REEP3: variants seen among roughly 807,000 people sequenced by gnomAD.
REEP3 encodes the protein receptor expression-enhancing protein 3.
Under a neutral mutation model 41.3 loss-of-function variants are expected in REEP3, and 20 were observed. The ratio of observed to expected loss-of-function variants is 0.48; its 90% CI spans 0.34 to 0.70. The LOEUF is 0.70. Among genes scored for constraint, REEP3 ranks in the 30% least tolerant of loss-of-function variants. The pLI is 0.01. For missense variants in REEP3, 271 were observed against 308.8 expected, an observed-to-expected ratio of 0.88 and a Z score of 0.92; for synonymous variants, 104 against 101.8, an observed-to-expected ratio of 1.02 and a Z score of -0.13.
chr10:63,606,084 A>G, intron 5 of REEP3: 1 of 934,622 alleles, frequency 1.1e-6, no homozygotes, highest in South Asian at 4.9e-5. Flanking sequence ...TCTCATCATA[A>G]TCTCTGTTAC....
chr10:63,576,908 T>G (rs1221612462), intron 2 of REEP3, among the ~76,000 whole-genome samples: 1 of 152,194 alleles, frequency 6.6e-6, no homozygotes, highest in Non-Finnish European at 1.5e-5. Flanking sequence ...TGACCTCATT[T>G]AACCTTAATT....
At position 63,625,120 on chromosome 10, in the gene REEP3, A is replaced by G. The variant is rs998764031; in HGVS notation, c.*4251A>G. On this transcript the variant is annotated 3_prime_UTR_variant, in exon 8 of 8. Coordinates refer to ENST00000373758, the MANE Select transcript of REEP3 (RefSeq NM_001001330.3). The stretch of plus-strand genomic sequence containing the variant: ...TTAGAAATATAAATAAAAATTCAAA[A>G]GAACACAATATATGAACGGCATTTT... The G allele has an allele frequency of 6.6e-6, 1 of 152,202 alleles. No homozygotes were observed. The highest frequency in any genetic ancestry group is 1.5e-5 in the Non-Finnish European group (1 of 68,000). The allele number at this position is 152,202 out of a possible 1,614,324, so 9.4% of individuals were successfully genotyped here. A position where few individuals can be genotyped will look rare whatever the true frequency, so the allele number is the denominator to read the frequency against.
At chr10:63,555,641 G>A (rs1484667919) in intron 1 of REEP3, among the ~76,000 whole-genome samples, 3 of 152,132 alleles carry the variant, frequency 2.0e-5, no homozygotes, top group African/African-American at 4.8e-5. Context: ...AGGATAGAGC[G>A]TGGCAAAAGT....
chr10:63,539,862 T>C (rs1955512815), intron 1 of REEP3, among the ~76,000 whole-genome samples: 1 of 152,108 alleles, frequency 6.6e-6, no homozygotes, highest in Non-Finnish European at 1.5e-5. Context: ...CTCCAGGTGA[T>C]TGGGTTTGAA....
intron 5 of REEP3, among the ~76,000 whole-genome samples, chr10:63,601,386 G>A (rs1045430694): frequency 6.6e-6 from 1 of 152,062 alleles, no homozygotes; most frequent in African/African-American, 2.4e-5. Flanking sequence ...TTTTGTCCAG[G>A]CAGATATGCT....
intron 1 of REEP3, among the ~76,000 whole-genome samples, chr10:63,539,202 G>A (rs868180662): frequency 3.3e-5 from 5 of 151,904 alleles, no homozygotes; most frequent in Admixed American, 6.6e-5. Flanking sequence ...TGAAATCAGT[G>A]GCCATTTACT....
At chr10:63,560,424 T>C (rs1012681811) in intron 1 of REEP3, among the ~76,000 whole-genome samples, 1 of 152,224 alleles carries the variant, frequency 6.6e-6, no homozygotes, top group African/African-American at 2.4e-5. Flanking sequence ...AATATCTGTC[T>C]AGAAAATAGC....
Position 63,623,776 on chromosome 10 carries a change from T to TGTGC in REEP3, c.*2910_*2911insCGTG, listed in dbSNP as rs1156704837. On this transcript the variant is annotated 3_prime_UTR_variant, in exon 8 of 8. Coordinates refer to ENST00000373758, the MANE Select transcript of REEP3 (RefSeq NM_001001330.3). ...ATATATGTGTGTGTGTGTGTGTGTG[T>TGTGC]GTGTGTGTGTGTGTGTGTGTGTATT... The TGTGC allele has an allele frequency of 6.5e-6, 1 of 153,086 alleles. No homozygotes were observed. Among genetic ancestry groups the TGTGC allele is most frequent in the African/African-American group, 2.4e-5 (1 of 41,256 alleles). The allele number at this position is 153,086 out of a possible 1,614,324, so 9.5% of individuals were successfully genotyped here. A position where few individuals can be genotyped will look rare whatever the true frequency, so the allele number is the denominator to read the frequency against.
intron 2 of REEP3, among the ~76,000 whole-genome samples, chr10:63,584,731 G>C (rs1955988777): frequency 1.3e-5 from 2 of 152,200 alleles, no homozygotes; most frequent in Admixed American, 6.5e-5. Context: ...AAAAAAATCT[G>C]TATCAGAGGA....
At chr10:63,562,429 G>T in intron 1 of REEP3, 1 of 377,314 alleles carries the variant, frequency 2.7e-6, no homozygotes, top group Non-Finnish European at 5.3e-6. Context: ...GCTAATTTTT[G>T]TATTTTTAGT....
At position 63,556,641 on chromosome 10, in the gene REEP3, T is replaced by G. The variant is rs374677462; in HGVS notation, c.33-9697T>G. Among the ~76,000 whole-genome samples, 414 of 100,902 alleles carry G rather than the reference T, an allele frequency of 4.1e-3. 13 individuals carry two copies. The highest frequency in any genetic ancestry group is 0.034 in the Middle Eastern group (7 of 206). The allele number at this position is 100,902 out of a possible 152,430, so 66.2% of individuals were successfully genotyped here. A position where few individuals can be genotyped will look rare whatever the true frequency, so the allele number is the denominator to read the frequency against. ...TTTTTTTTTTGTTGTTTTGTTTTTT[T>G]TTTTTTTTTTTTGAGACGGAGTCTC... On this transcript the variant is annotated intron_variant, in intron 1 of 7. Coordinates refer to ENST00000373758, the MANE Select transcript of REEP3 (RefSeq NM_001001330.3).
intron 2 of REEP3, among the ~76,000 whole-genome samples, chr10:63,590,933 T>C (rs1956056301): frequency 1.3e-5 from 2 of 152,214 alleles, no homozygotes; most frequent in Admixed American, 6.5e-5. Context: ...ACTTGATAAA[T>C]TACTGACTTC....
intron 2 of REEP3, among the ~76,000 whole-genome samples, chr10:63,594,186 A>G (rs561413056): frequency 1.1e-3 from 162 of 150,038 alleles, no homozygotes; most frequent in African/African-American, 3.8e-3. Context: ...CGATACCAGC[A>G]GGGCAACATG....
At chr10:63,562,666 A>T (rs1274301477) in intron 1 of REEP3, 2 of 456,002 alleles carry the variant, frequency 4.4e-6, no homozygotes, top group African/African-American at 4.0e-5. Context: ...AAACCAATGG[A>T]TAAGGAAGCC....
intron 1 of REEP3, among the ~76,000 whole-genome samples, chr10:63,552,639 T>C (rs1284005921): frequency 1.3e-5 from 2 of 152,188 alleles, no homozygotes; most frequent in African/African-American, 4.8e-5. Context: ...TTTCAGTTGA[T>C]AGATGGACTG....
intron 1 of REEP3, among the ~76,000 whole-genome samples, chr10:63,526,050 TC>T (rs1955361624): frequency 6.6e-6 from 1 of 152,234 alleles, no homozygotes; most frequent in African/African-American, 2.4e-5. Flanking sequence ...AAACATGCTC[TC>T]CTAAAATCCC....
At chr10:63,528,061 A>C (rs1352002223) in intron 1 of REEP3, among the ~76,000 whole-genome samples, 1 of 151,782 alleles carries the variant, frequency 6.6e-6, no homozygotes, top group Admixed American at 6.6e-5. Context: ...TTGGCATGTC[A>C]TGGGGATCAG....
At chr10:63,527,658 G>A (rs1955378612) in intron 1 of REEP3, among the ~76,000 whole-genome samples, 1 of 151,904 alleles carries the variant, frequency 6.6e-6, no homozygotes. Flanking sequence ...TCCAGCCTGG[G>A]CAACAGAGTG....
intron 1 of REEP3, among the ~76,000 whole-genome samples, chr10:63,523,716 G>A (rs1003707707): frequency 6.6e-6 from 1 of 152,216 alleles, no homozygotes; most frequent in African/African-American, 2.4e-5. Flanking sequence ...AGGGACCGGC[G>A]TGAGCCAAAG....
Sources: allele counts gnomAD v4.1 joint callset (sites outside exome capture counted in the v4.1 genomes callset), GRCh38; gene constraint gnomAD v4.1.1; transcripts MANE v1.5; gene names NCBI Gene and HGNC (gene_info 2026-07-23, HGNC 2026-07-21).